Variants in SLC26A11 observed in about 807,000 individuals in gnomAD.
SLC26A11 encodes the protein sodium-independent sulfate anion transporter.
In SLC26A11, 58 loss-of-function variants were observed where a neutral mutation model predicts 62.2. The ratio of observed to expected loss-of-function variants is 0.93; its 90% CI spans 0.76 to 1.16. The LOEUF (loss-of-function observed/expected upper bound fraction) is 1.16. Ranked by LOEUF, SLC26A11 falls within the 50% of genes most tolerant of loss-of-function variation. The pLI is 0.00. For missense variants in SLC26A11, 790 were observed against 794.3 expected, an observed-to-expected ratio of 0.99 and a Z score of 0.06; for synonymous variants, 411 against 368.9, an observed-to-expected ratio of 1.11 and a Z score of -1.31.
intron 11 of SLC26A11, 53 bp downstream of exon 11, chr17:80,245,309 G>T: frequency 1.3e-6 from 2 of 1,580,478 alleles, no homozygotes; most frequent in Non-Finnish European, 1.7e-6. Context: ...CCCTAACGTT[G>T]TTACGCTGAC....
chr17:80,223,249 C>T lies in SLC26A11; in HGVS notation c.428-3C>T. 1 of 1,614,048 alleles carries T rather than the reference C, an allele frequency of 6.2e-7. No homozygotes were observed. The highest frequency in any genetic ancestry group is 1.1e-5 in the South Asian group (1 of 91,072). On this transcript the variant is annotated splice_region_variant and splice_polypyrimidine_tract_variant and intron_variant, in intron 4 of 17. Transcript: ENST00000361193. The surrounding 1 kb of genome is among the most constrained non-coding windows in gnomAD (Gnocchi z 4.6). ...AGCTCGATGTCCCCTCTTGGCTGGC[C>T]AGGGTTCCTGCTGGACTTCATTTCC...
Position 80,225,819 on chromosome 17 carries a change from A to G in SLC26A11, c.514-18A>G, listed in dbSNP as rs1393729774. Reference sequence around the variant, plus strand: ...TTTGGGAGCATAGCCTCTGATCAGCATCTCTGTGTTTGGACAGAACCTGCT... The same window carrying G: ...TTTGGGAGCATAGCCTCTGATCAGCGTCTCTGTGTTTGGACAGAACCTGCT... On this transcript the variant is annotated intron_variant, in intron 5 of 17. Coordinates refer to ENST00000361193, the MANE Select transcript of SLC26A11 (RefSeq NM_001166347.2). 6 of 1,612,090 alleles carry G rather than the reference A, an allele frequency of 3.7e-6. No individual in the cohort carries two copies. Among genetic ancestry groups the G allele is most frequent in the Non-Finnish European group, 5.1e-6 (6 of 1,178,436 alleles).
Position 80,223,303 on chromosome 17 carries a change from C to G in SLC26A11, c.479C>G (p.Ala160Gly), listed in dbSNP as rs532485121. Residue 160 changes from alanine (A) to glycine (G), a missense_variant, in exon 5 of 18, where the codon GCT becomes GGT. By Grantham distance (60) the Ala-to-Gly change is moderately conservative. Coordinates refer to ENST00000361193, the MANE Select transcript of SLC26A11 (RefSeq NM_001166347.2). The surrounding 1 kb of genome is among the most constrained non-coding windows in gnomAD (Gnocchi z 4.6). ...SYPVIKGFTS[A>G]AAVTIGFGQI... ...CCCGTCATTAAAGGCTTCACCTCTG[C>G]TGCTGCCGTCACCATCGGCTTTGGA... is the stretch of plus-strand genomic sequence containing the variant. 6.2e-6 allele frequency: 10 copies of G among 1,614,166 alleles called. No homozygotes were observed. Among genetic ancestry groups the G allele is most frequent in the African/African-American group, 1.3e-5 (1 of 75,036 alleles).
chr17:80,240,743 C>T (rs1372060157), intron 9 of SLC26A11, among the ~76,000 whole-genome samples: 5 of 151,938 alleles, frequency 3.3e-5, no homozygotes, highest in African/African-American at 7.3e-5. Flanking sequence ...GCAGAGGTTG[C>T]GGTGAGCCAA....
In SLC26A11 at chr17:80,223,048, G is replaced by A; in HGVS notation, c.427+201G>A. ...TTTCTGCTTAGAGGCCAGGACACTT[G>A]GAGAAGTGCCTGTGGCCTCAGACCC... On this transcript the variant is annotated intron_variant, in intron 4 of 17. Transcript: ENST00000361193. The surrounding 1 kb of genome is among the most constrained non-coding windows in gnomAD (Gnocchi z 4.6). 1 of 729,080 alleles carries A rather than the reference G, an allele frequency of 1.4e-6. No individual in the cohort carries two copies. The highest frequency in any genetic ancestry group is 1.8e-5 in the South Asian group (1 of 55,986). 45.2% of individuals were successfully genotyped at this position (729,080 alleles called of 1,614,324 possible). A position where few individuals can be genotyped will look rare whatever the true frequency, so the allele number is the denominator to read the frequency against.
In SLC26A11 at chr17:80,251,370, G is replaced by T; in HGVS notation, c.1698G>T (p.Gly566=). 6.2e-7 allele frequency: 1 copy of T among 1,614,100 alleles called. No homozygotes were observed. The highest frequency in any genetic ancestry group is 8.5e-7 in the Non-Finnish European group (1 of 1,179,996). ...TCCTGCTGTCCGCTGACCTGAAGGG[G>T]TTCCAGTACTTCTCTACCCTGGAAG... ...LRVLLSADLK[G]FQYFSTLEEA... is the part of the protein sequence containing the mutation. Residue 566 remains glycine (G), a synonymous_variant, in exon 17 of 18, where the codon GGG becomes GGT. Coordinates refer to ENST00000361193, the MANE Select transcript of SLC26A11 (RefSeq NM_001166347.2).
intron 14 of SLC26A11, 111 bp downstream of exon 14, chr17:80,248,368 G>A: frequency 1.4e-6 from 2 of 1,439,666 alleles, no homozygotes; most frequent in Admixed American, 4.5e-5. Context: ...TGCTGAAGGG[G>A]ACCGCTCGCT....
rs1207829403 is a variant in SLC26A11, at chr17:80,245,242, A to G, written c.1083A>G (p.Thr361=). 5.6e-6 allele frequency: 9 copies of G among 1,613,830 alleles called. No individual in the cohort carries two copies. The East Asian group carries it at 2.0e-4, about 36-fold the overall frequency. ...CCCTCGTCTCCTCCTACCCGGTCAC[A>G]GGCAGCTTTGGACGGTGAGTGACCT... ...LGSLVSSYPV[T]GSFGRTAVNA... The change falls in exon 11 of 18, where the codon ACA becomes ACG. Residue 361 remains threonine, a synonymous_variant. Coordinates refer to ENST00000361193, the MANE Select transcript of SLC26A11 (RefSeq NM_001166347.2).
In SLC26A11 at chr17:80,227,964, AG is replaced by A; in HGVS notation, c.736+8del. On this transcript the variant is annotated splice_donor_5th_base_variant and intron_variant, in intron 7 of 17. Coordinates refer to ENST00000361193, the MANE Select transcript of SLC26A11 (RefSeq NM_001166347.2). ...CTGGTCTGGGCTGCCACGACAGGTG[AG>A]GGGCCTCTGGCTGACATCTTATGCA... 3.1e-6 allele frequency: 5 copies of A among 1,599,074 alleles called. No homozygotes were observed. Among genetic ancestry groups the A allele is most frequent in the Non-Finnish European group, 4.2e-6 (5 of 1,179,198 alleles).
rs774490818 is a variant in SLC26A11 at position 80,246,584 on chromosome 17, T to A, written c.1229T>A (p.Val410Asp). The A allele has an allele frequency of 7.4e-6, 12 of 1,613,918 alleles. No homozygotes were observed. In the East Asian group the frequency reaches 2.2e-4, roughly 30 times the overall value. The change falls in exon 13 of 18, where the codon GTC (valine) becomes GAC (aspartate). Residue 410 changes from valine (V) to aspartate (D), a missense_variant. By Grantham distance (152) the Val-to-Asp change is radical. Coordinates refer to ENST00000361193, the MANE Select transcript of SLC26A11 (RefSeq NM_001166347.2). This position sits in a 1 kb window ranked among gnomAD's most constrained non-coding sequence, Gnocchi z 4.4. ...YYIPKSALAA[V>D]IIMAVAPLFD... ...ATCCCCAAGTCTGCCCTGGCTGCCG[T>A]CATCATCATGGCCGTGGCCCCGCTG...
intron 7 of SLC26A11, among the ~76,000 whole-genome samples, chr17:80,233,526 C>G (rs2042613133): frequency 6.6e-6 from 1 of 151,258 alleles, no homozygotes; most frequent in South Asian, 2.1e-4. Flanking sequence ...TTTCCTTCTA[C>G]CTGAAGGATG....
chr17:80,229,110 G>A (rs2042493366), intron 7 of SLC26A11, among the ~76,000 whole-genome samples: 1 of 152,194 alleles, frequency 6.6e-6, no homozygotes, highest in Non-Finnish European at 1.5e-5. Flanking sequence ...CCCGAGCTTG[G>A]TCTTGCTGTT....
chr17:80,223,247 G>T lies in SLC26A11; in HGVS notation c.428-5G>T. The T allele has an allele frequency of 6.2e-7, 1 of 1,614,012 alleles. No homozygotes were observed. The highest frequency in any genetic ancestry group is 8.5e-7 in the Non-Finnish European group (1 of 1,179,918). ...CCAGCTCGATGTCCCCTCTTGGCTG[G>T]CCAGGGTTCCTGCTGGACTTCATTT... On this transcript the variant is annotated splice_region_variant and splice_polypyrimidine_tract_variant and intron_variant, in intron 4 of 17. Transcript: ENST00000361193. The surrounding 1 kb of genome is among the most constrained non-coding windows in gnomAD (Gnocchi z 4.6).
intron 13 of SLC26A11, among the ~76,000 whole-genome samples, chr17:80,247,066 T>A (rs4890000): frequency 0.23 from 34,762 of 151,118 alleles, 4,499 homozygotes; most frequent in East Asian, 0.35. Flanking sequence ...TTTTTTTTTT[T>A]TTATTATTAT....
chr17:80,224,353 G>A (rs1336624279), intron 5 of SLC26A11, among the ~76,000 whole-genome samples: 1 of 126,766 alleles, frequency 7.9e-6, no homozygotes, highest in Admixed American at 9.0e-5. Context: ...GAGTGGGTGT[G>A]GGTGTGAGGG....
intron 6 of SLC26A11, among the ~76,000 whole-genome samples, chr17:80,227,058 T>C (rs752124505): frequency 6.6e-6 from 1 of 152,136 alleles, no homozygotes; most frequent in Non-Finnish European, 1.5e-5. Context: ...CGGGCTGTCA[T>C]GTAAAAGGGG....
At position 80,228,075 on chromosome 17, in the gene SLC26A11, C is replaced by A; in HGVS notation, c.736+115C>A. 1 of 829,114 alleles carries A rather than the reference C, an allele frequency of 1.2e-6. No individual in the cohort carries two copies. The highest frequency in any genetic ancestry group is 1.9e-6 in the Non-Finnish European group (1 of 539,366). The allele number at this position is 829,114 out of a possible 1,614,324, so 51.4% of individuals were successfully genotyped here. A position where few individuals can be genotyped will look rare whatever the true frequency, so the allele number is the denominator to read the frequency against. The stretch of plus-strand genomic sequence containing the variant: ...GTCATTGGTCTGGGTGTCACTTGAG[C>A]ATTGGGACATTTAAAACACCACACC... On this transcript the variant is annotated intron_variant, in intron 7 of 17. Transcript: ENST00000361193. This position sits in a 1 kb window ranked among gnomAD's most constrained non-coding sequence, Gnocchi z 4.1.
Position 80,223,500 on chromosome 17 carries a change from GTCCCCT to G in SLC26A11, c.513+164_513+169del, listed in dbSNP as rs2042282662. 6.6e-6 allele frequency among the ~76,000 whole-genome samples: 1 copy of G among 152,192 alleles called. No homozygotes were observed. The highest frequency in any genetic ancestry group is 2.4e-5 in the African/African-American group (1 of 41,434). On this transcript the variant is annotated intron_variant, in intron 5 of 17. Coordinates refer to ENST00000361193, the MANE Select transcript of SLC26A11 (RefSeq NM_001166347.2). The surrounding 1 kb of genome is among the most constrained non-coding windows in gnomAD (Gnocchi z 4.6). Reference sequence around the variant, plus strand: ...CAAGAAGCACGCGGTGCTCTCATGGGTCCCCTGTTAATAAAATGACCCTCCTGGGAG... The same window carrying G: ...CAAGAAGCACGCGGTGCTCTCATGGGGTTAATAAAATGACCCTCCTGGGAG...
chr17:80,222,144 A>T lies in SLC26A11; in HGVS notation c.234+350A>T, dbSNP rs1391905715. ...GTAATCCCAGCACTTTGGGAGGCCG[A>T]GGCAGGCGGATCGCAAGGTCAGGAG... On this transcript the variant is annotated intron_variant, in intron 3 of 17. Coordinates refer to ENST00000361193, the MANE Select transcript of SLC26A11 (RefSeq NM_001166347.2). This position sits in a 1 kb window ranked among gnomAD's most constrained non-coding sequence, Gnocchi z 4.7. The T allele has an allele frequency of 4.3e-6, 1 of 233,400 alleles. No individual in the cohort carries two copies. The highest frequency in any genetic ancestry group is 8.2e-6 in the Non-Finnish European group (1 of 121,246). The allele number at this position is 233,400 out of a possible 1,614,324, so 14.5% of individuals were successfully genotyped here.
Sources: allele counts gnomAD v4.1 joint callset (sites outside exome capture counted in the v4.1 genomes callset), GRCh38; gene constraint gnomAD v4.1.1; non-coding constraint Gnocchi (gnomAD v3.1); transcripts MANE v1.5; gene names NCBI Gene and HGNC (gene_info 2026-07-23, HGNC 2026-07-21).